The following EMP2 variants were observed in gnomAD, a reference collection of about 807,000 sequenced individuals.
EMP2 encodes the protein epithelial membrane protein 2.
EMP2 carries 19 observed loss-of-function variants against 13.7 expected under a neutral mutation model. The ratio of observed to expected loss-of-function variants is 1.38; its 90% CI spans 0.97 to 2.03. The LOEUF (loss-of-function observed/expected upper bound fraction) is 2.03. EMP2 is among the 30% of genes most tolerant of loss of function. EMP2 has a pLI of 0.00. For missense variants in EMP2, 253 were observed against 220.7 expected (o/e 1.15, Z -0.93); for synonymous variants, 97 against 84.7 (o/e 1.15, Z -0.80).
chr16:10,547,579 G>T lies in EMP2; in HGVS notation c.39C>A (p.Ile13=), dbSNP rs2050749366. Residue 13 remains isoleucine, a synonymous_variant, in exon 2 of 5, where the codon ATC becomes ATA. Transcript: ENST00000359543. ...CAATGAACAGCAAGGCTGCAGAGGTGATGTGGAAGGCGATGATGAAAGCAA... is the reference window on the plus strand; with the variant it reads ...CAATGAACAGCAAGGCTGCAGAGGTTATGTGGAAGGCGATGATGAAAGCAA... ...VLLAFIIAFH[I]TSAALLFIAT... The T allele has an allele frequency of 6.2e-7, 1 of 1,614,206 alleles. No homozygotes were observed. The highest frequency in any genetic ancestry group is 8.5e-7 in the Non-Finnish European group (1 of 1,180,044).
intron 1 of EMP2, among the ~76,000 whole-genome samples, chr16:10,565,819 A>C (rs2050903554): frequency 6.6e-6 from 1 of 152,186 alleles, no homozygotes; most frequent in East Asian, 1.9e-4. Flanking sequence ...TTTCCCTACT[A>C]GCATGCCTAG....
intron 1 of EMP2, among the ~76,000 whole-genome samples, chr16:10,557,279 C>G (rs868090011): frequency 1.3e-5 from 2 of 151,734 alleles, no homozygotes; most frequent in African/African-American, 2.4e-5. Context: ...ATCGCCTGAA[C>G]CCGGTAGGTG....
chr16:10,529,520 A>C lies in EMP2; in HGVS notation c.*3385T>G, dbSNP rs1026215459. 4 of 152,218 alleles carry C rather than the reference A, an allele frequency of 2.6e-5. No homozygotes were observed. The highest frequency in any genetic ancestry group is 9.6e-5 in the African/African-American group (4 of 41,464). 9.4% of individuals were successfully genotyped at this position (152,218 alleles called of 1,614,324 possible). A position where few individuals can be genotyped will look rare whatever the true frequency, so the allele number is the denominator to read the frequency against. Reference sequence around the variant, plus strand: ...AATCCATAGGATCATTTCAGACCGCATTCAACACAGATACTCATGTAGCCC... The same window carrying C: ...AATCCATAGGATCATTTCAGACCGCCTTCAACACAGATACTCATGTAGCCC... On this transcript the variant is annotated 3_prime_UTR_variant, in exon 5 of 5. Coordinates refer to ENST00000359543, the MANE Select transcript of EMP2 (RefSeq NM_001424.6).
At chr16:10,577,084 T>A (rs1248669319) in intron 1 of EMP2, among the ~76,000 whole-genome samples, 4 of 152,124 alleles carry the variant, frequency 2.6e-5, no homozygotes, top group East Asian at 3.9e-4. Flanking sequence ...TGAACTCCCC[T>A]CAGCTGTGGC....
intron 1 of EMP2, chr16:10,558,883 G>A (rs1317554157): frequency 6.6e-6 from 1 of 152,246 alleles, no homozygotes; most frequent in Non-Finnish European, 1.5e-5. Context: ...CCGCCCTCGG[G>A]AGTTCTTCCT....
chr16:10,539,693 T>A (rs6498072), intron 3 of EMP2, among the ~76,000 whole-genome samples: 19 of 151,904 alleles, frequency 1.3e-4, no homozygotes, highest in East Asian at 1.2e-3. Context: ...CTGCGTTTCC[T>A]TGTTTGTAAA....
chr16:10,565,816 A>G (rs1384614191), intron 1 of EMP2, among the ~76,000 whole-genome samples: 1 of 152,168 alleles, frequency 6.6e-6, no homozygotes, highest in African/African-American at 2.4e-5. Context: ...ACATTTCCCT[A>G]CTAGCATGCC....
chr16:10,529,491 G>A lies in EMP2; in HGVS notation c.*3414C>T, dbSNP rs574327805. 8.5e-5 allele frequency: 13 copies of A among 152,258 alleles called. No homozygotes were observed. The highest frequency in any genetic ancestry group is 1.3e-4 in the Non-Finnish European group (9 of 68,024). The allele number at this position is 152,258 out of a possible 1,614,324, so 9.4% of individuals were successfully genotyped here. A position where few individuals can be genotyped will look rare whatever the true frequency, so the allele number is the denominator to read the frequency against. ...GTTGTACAGCAGTGGCAACCAGCCG[G>A]GAAAATCCATAGGATCATTTCAGAC... On this transcript the variant is annotated 3_prime_UTR_variant, in exon 5 of 5. Coordinates refer to ENST00000359543, the MANE Select transcript of EMP2 (RefSeq NM_001424.6).
At chr16:10,539,441 C>T (rs987961692) in intron 3 of EMP2, among the ~76,000 whole-genome samples, 2 of 152,148 alleles carry the variant, frequency 1.3e-5, no homozygotes, top group Non-Finnish European at 1.5e-5. Context: ...CAGACCGGCT[C>T]CCCCACTATG....
At chr16:10,571,649 T>A (rs1419278006) in intron 1 of EMP2, among the ~76,000 whole-genome samples, 1 of 152,150 alleles carries the variant, frequency 6.6e-6, no homozygotes, top group African/African-American at 2.4e-5. Flanking sequence ...TCCTTCTGGA[T>A]ACGTATGGGA....
intron 1 of EMP2, among the ~76,000 whole-genome samples, chr16:10,575,404 C>T (rs920146497): frequency 4.0e-5 from 6 of 151,648 alleles, no homozygotes; most frequent in African/African-American, 1.2e-4. Flanking sequence ...CAGGCGCCCG[C>T]CACCACACCG....
At chr16:10,574,230 G>T (rs183407302) in intron 1 of EMP2, among the ~76,000 whole-genome samples, 1 of 152,192 alleles carries the variant, frequency 6.6e-6, no homozygotes, top group East Asian at 1.9e-4. Flanking sequence ...GAGCTACTGC[G>T]CCCGGCCCCT....
At chr16:10,575,309 A>G (rs987972122) in intron 1 of EMP2, among the ~76,000 whole-genome samples, 6 of 119,508 alleles carry the variant, frequency 5.0e-5, no homozygotes, top group Non-Finnish European at 9.7e-5. Context: ...GCTGGAGTGC[A>G]GTGGCGTGAT....
intron 1 of EMP2, among the ~76,000 whole-genome samples, chr16:10,571,663 G>A (rs1037141986): frequency 2.0e-5 from 3 of 152,198 alleles, no homozygotes; most frequent in African/African-American, 4.8e-5. Flanking sequence ...TATGGGAAAC[G>A]GACTGCAAGG....
At position 10,537,915 on chromosome 16, in the gene EMP2, T is replaced by A. The variant is rs765940223; in HGVS notation, c.316+13A>T. On this transcript the variant is annotated intron_variant, in intron 4 of 4. Coordinates refer to ENST00000359543, the MANE Select transcript of EMP2 (RefSeq NM_001424.6). Reference sequence around the variant, plus strand: ...GAAAGCCCCTTGTTAGGGAAGCCCGTTGATGTACTTACATGACATTAGCTG... The same window carrying A: ...GAAAGCCCCTTGTTAGGGAAGCCCGATGATGTACTTACATGACATTAGCTG... The A allele has an allele frequency of 4.3e-6, 7 of 1,612,270 alleles. No homozygotes were observed. Among genetic ancestry groups the A allele is most frequent in the Non-Finnish European group, 5.9e-6 (7 of 1,178,638 alleles).
intron 1 of EMP2, among the ~76,000 whole-genome samples, chr16:10,579,951 G>A (rs960828409): frequency 6.6e-6 from 1 of 152,168 alleles, no homozygotes; most frequent in Non-Finnish European, 1.5e-5. Context: ...GGAACACATG[G>A]GTGCGGTCTC....
intron 2 of EMP2, chr16:10,546,538 G>A (rs2050740329): frequency 1.3e-5 from 2 of 152,238 alleles, no homozygotes; most frequent in South Asian, 4.1e-4. Context: ...TGCTGGGGAG[G>A]ACATGGCCGG....
intron 1 of EMP2, among the ~76,000 whole-genome samples, chr16:10,552,314 A>G (rs1443362090): frequency 2.0e-5 from 3 of 152,158 alleles, no homozygotes; most frequent in Non-Finnish European, 2.9e-5. Context: ...TGGACATGTA[A>G]CTAAAACTTT....
chr16:10,535,279 G>A (rs990896284), intron 4 of EMP2, among the ~76,000 whole-genome samples: 1 of 152,144 alleles, frequency 6.6e-6, no homozygotes, highest in South Asian at 2.1e-4. Flanking sequence ...GGGATGCTAT[G>A]CAAGGAAAAT....
Sources: allele counts gnomAD v4.1 joint callset (sites outside exome capture counted in the v4.1 genomes callset), GRCh38; gene constraint gnomAD v4.1.1; transcripts MANE v1.5; gene names NCBI Gene and HGNC (gene_info 2026-07-23, HGNC 2026-07-21).